Variants in ATP8A2 observed in about 807,000 individuals in gnomAD.
ATP8A2 encodes phospholipid-transporting ATPase IB.
ATP8A2 carries 100 observed loss-of-function variants against 165.6 expected under a neutral mutation model. The observed-to-expected ratio is 0.60, with a 90% CI of 0.51 to 0.71. The LOEUF is 0.71. Ranked by LOEUF, ATP8A2 falls within the 30% of genes least tolerant of loss-of-function variation. The pLI is 0.00. For synonymous variants in ATP8A2, 543 were observed against 548.8 expected (o/e 0.99, Z 0.15); for missense variants, 1,227 against 1,479.5 (o/e 0.83, Z 2.80).
At position 25,399,754 on chromosome 13, in the gene ATP8A2, T is replaced by C. The variant is rs568779052; in HGVS notation, c.76+27466T>C. On this transcript the variant is annotated intron_variant, in intron 1 of 36. Coordinates refer to ENST00000381655, the MANE Select transcript of ATP8A2 (RefSeq NM_016529.6). ...TCTTCCTCCTTCTCCTCTTCCTCCT[T>C]CTCCTCTTCCTCCTCCTCCTCTTCT... Among the ~76,000 whole-genome samples the C allele has an allele frequency of 9.8e-4, 145 of 148,638 alleles. 1 individual carries two copies. The highest frequency in any genetic ancestry group is 3.3e-3 in the African/African-American group (133 of 40,754).
At chr13:25,451,368 C>T (rs558071398) in intron 1 of ATP8A2, among the ~76,000 whole-genome samples, 18 of 152,216 alleles carry the variant, frequency 1.2e-4, no homozygotes, top group South Asian at 8.3e-4. Flanking sequence ...AAAGAGAGTG[C>T]GATCCTAGCA....
chr13:25,722,169 G>C (rs1458944973), intron 25 of ATP8A2, among the ~76,000 whole-genome samples: 1 of 152,170 alleles, frequency 6.6e-6, no homozygotes, highest in Non-Finnish European at 1.5e-5. Context: ...CCATCCTAGT[G>C]GGTATGCAGT....
rs536351975 is a variant in ATP8A2 at position 25,781,487 on chromosome 13, CTT to C, written c.2679+6535_2679+6536del. On this transcript the variant is annotated intron_variant, in intron 27 of 36. Coordinates refer to ENST00000381655, the MANE Select transcript of ATP8A2 (RefSeq NM_016529.6). ...TTGAAAATAATCATTATTTTTCAAA[CTT>C]TTTTTTGTTTGTTTTTTGAGATGGA... 3.0e-3 allele frequency among the ~76,000 whole-genome samples: 461 copies of C among 151,528 alleles called. 4 individuals carry two copies. The highest frequency in any genetic ancestry group is 6.8e-3 in the Middle Eastern group (2 of 292).
intron 24 of ATP8A2, among the ~76,000 whole-genome samples, chr13:25,600,855 G>A (rs1345051484): frequency 3.3e-5 from 5 of 152,144 alleles, no homozygotes; most frequent in Non-Finnish European, 5.9e-5. Context: ...AATAAATACC[G>A]AAGCCAGCAG....
chr13:25,580,330 T>C (rs2039740349), intron 22 of ATP8A2, among the ~76,000 whole-genome samples: 1 of 152,258 alleles, frequency 6.6e-6, no homozygotes, highest in Non-Finnish European at 1.5e-5. Flanking sequence ...TAACTTATTC[T>C]AATGATATTT....
chr13:25,391,607 AAG>A (rs2033250269), intron 1 of ATP8A2, among the ~76,000 whole-genome samples: 1 of 152,224 alleles, frequency 6.6e-6, no homozygotes, highest in Non-Finnish European at 1.5e-5. Context: ...TGGGGGCAGG[AAG>A]CTCACCTTGC....
chr13:25,707,682 C>T (rs1396483580), intron 25 of ATP8A2, among the ~76,000 whole-genome samples: 1 of 152,174 alleles, frequency 6.6e-6, no homozygotes, highest in Non-Finnish European at 1.5e-5. Flanking sequence ...TAATAATATG[C>T]TGTGTAATTG....
intron 1 of ATP8A2, among the ~76,000 whole-genome samples, chr13:25,414,410 T>C (rs2034073686): frequency 6.6e-6 from 1 of 152,142 alleles, no homozygotes; most frequent in Admixed American, 6.5e-5. Flanking sequence ...CAGGCTGGTC[T>C]TGAACTCCTG....
intron 35 of ATP8A2, among the ~76,000 whole-genome samples, chr13:25,996,979 C>A (rs1593691202): frequency 6.6e-6 from 1 of 152,276 alleles, no homozygotes; most frequent in African/African-American, 2.4e-5. Flanking sequence ...CCACCATGCC[C>A]AGCCCATCTT....
chr13:25,781,222 T>C (rs1243197051), intron 27 of ATP8A2, among the ~76,000 whole-genome samples: 2 of 152,042 alleles, frequency 1.3e-5, no homozygotes, highest in Non-Finnish European at 1.5e-5. Context: ...GAAGCCGAGA[T>C]CGTGCCACTG....
chr13:25,910,046 G>A (rs561952477), intron 33 of ATP8A2, among the ~76,000 whole-genome samples: 3 of 152,182 alleles, frequency 2.0e-5, no homozygotes, highest in Non-Finnish European at 4.4e-5. Flanking sequence ...TCTGCTGCGG[G>A]ATGGTGGTAG....
chr13:25,441,136 A>G (rs2034920880), intron 1 of ATP8A2, among the ~76,000 whole-genome samples: 1 of 152,112 alleles, frequency 6.6e-6, no homozygotes, highest in African/African-American at 2.4e-5. Flanking sequence ...CAGGCTATTT[A>G]TTTCAGTTTA....
chr13:25,690,969 C>G (rs1410045365), intron 24 of ATP8A2, among the ~76,000 whole-genome samples: 3 of 152,088 alleles, frequency 2.0e-5, no homozygotes, highest in African/African-American at 4.8e-5. Flanking sequence ...AGGTGAACAC[C>G]TAAACAAATT....
intron 27 of ATP8A2, among the ~76,000 whole-genome samples, chr13:25,811,134 C>G (rs1950858393): frequency 6.6e-6 from 1 of 151,984 alleles, no homozygotes; most frequent in Non-Finnish European, 1.5e-5. Context: ...AGCTGTTTCC[C>G]TGGAGTTTTT....
intron 33 of ATP8A2, among the ~76,000 whole-genome samples, chr13:25,866,799 A>T (rs571852005): frequency 6.6e-6 from 1 of 152,276 alleles, no homozygotes; most frequent in South Asian, 2.1e-4. Flanking sequence ...ATATGACTCT[A>T]TTAGAATGTT....
At chr13:25,877,032 A>T (rs1052956892) in intron 33 of ATP8A2, among the ~76,000 whole-genome samples, 22 of 146,788 alleles carry the variant, frequency 1.5e-4, no homozygotes, top group Admixed American at 8.8e-4. Context: ...ATTTTTATTT[A>T]AAAAAAAAAA....
chr13:25,984,935 C>T (rs563238988), intron 35 of ATP8A2, among the ~76,000 whole-genome samples: 1 of 152,316 alleles, frequency 6.6e-6, no homozygotes, highest in East Asian at 1.9e-4. Flanking sequence ...CACCTCTCAC[C>T]CCCACTCTAG....
Position 26,020,016 on chromosome 13 carries a change from A to G in ATP8A2, c.*31A>G, listed in dbSNP as rs1371602426. The G allele has an allele frequency of 2.0e-6, 3 of 1,504,342 alleles. No homozygotes were observed. Among genetic ancestry groups the G allele is most frequent in the Non-Finnish European group, 2.8e-6 (3 of 1,080,554 alleles). The allele number at this position is 1,504,342 out of a possible 1,614,324, so 93.2% of individuals were successfully genotyped here. A position where few individuals can be genotyped will look rare whatever the true frequency, so the allele number is the denominator to read the frequency against. On this transcript the variant is annotated 3_prime_UTR_variant, in exon 37 of 37. Coordinates refer to ENST00000381655, the MANE Select transcript of ATP8A2 (RefSeq NM_016529.6). ...GAATTTTCCTGACTGATCTTAGGAA[A>G]GAGATTCAGTTTGTTGCACCCAGTG... is the stretch of plus-strand genomic sequence containing the variant.
At chr13:25,579,718 T>A in intron 21 of ATP8A2, 90 bp from the exon 22 acceptor site, 1 of 1,471,292 alleles carries the variant, frequency 6.8e-7, no homozygotes, top group South Asian at 1.2e-5. Context: ...TTCAATTTTT[T>A]TGGGCATGCT....
Sources: allele counts gnomAD v4.1 joint callset (sites outside exome capture counted in the v4.1 genomes callset), GRCh38; gene constraint gnomAD v4.1.1; transcripts MANE v1.5; gene names NCBI Gene and HGNC (gene_info 2026-07-23, HGNC 2026-07-21).